APC: variants seen among roughly 807,000 people sequenced by gnomAD.
APC encodes the protein adenomatous polyposis coli protein.
In APC, 72 loss-of-function variants were observed where a neutral mutation model predicts 247.0. The ratio of observed to expected loss-of-function variants is 0.29; its 90% confidence interval spans 0.24 to 0.35. The LOEUF is 0.35. APC is among the 10% of genes least tolerant of loss of function. The pLI, the probability that APC is intolerant of heterozygous loss-of-function variation, is 1.00. For synonymous variants in APC, 1,254 were observed against 1,162.5 expected, an observed-to-expected ratio of 1.08 and a Z score of -1.60; for missense variants, 3,400 against 3,360.7, an observed-to-expected ratio of 1.01 and a Z score of -0.29.
intron 1 of APC, among the ~76,000 whole-genome samples, chr5:112,741,326 A>G (rs890263789): frequency 6.6e-6 from 1 of 152,230 alleles, no homozygotes; most frequent in African/African-American, 2.4e-5. Context: ...GCTTTTTCAT[A>G]AAATCTGCTT....
At chr5:112,820,189 A>G (rs1006182713) in intron 10 of APC, among the ~76,000 whole-genome samples, 7 of 134,588 alleles carry the variant, frequency 5.2e-5, no homozygotes, top group Non-Finnish European at 9.2e-5. Context: ...ACTGACACAC[A>G]CACACACACA....
chr5:112,765,871 G>C (rs1410175451), intron 2 of APC, among the ~76,000 whole-genome samples: 1 of 152,128 alleles, frequency 6.6e-6, no homozygotes, highest in Non-Finnish European at 1.5e-5. Context: ...CTTAAATGTG[G>C]TATATAAAAG....
rs1561575161 is a variant in APC at position 112,837,736 on chromosome 5, G to A, written c.2142G>A (p.Lys714=). The change falls in exon 16 of 16, where the codon AAG becomes AAA. Residue 714 remains lysine (K), a synonymous_variant. Coordinates refer to ENST00000257430, the MANE Select transcript of APC (RefSeq NM_000038.6). ...TGCTCAAGAACCTCATTCATTCAAA[G>A]CACAAAATGATTGCTATGGGAAGTG... ...VSMLKNLIHS[K]HKMIAMGSAA... is the part of the protein sequence containing the mutation. 6.2e-7 allele frequency: 1 copy of A among 1,614,150 alleles called. No individual in the cohort carries two copies. The highest frequency in any genetic ancestry group is 8.5e-7 in the Non-Finnish European group (1 of 1,180,040).
chr5:112,843,239 C>T lies in APC; in HGVS notation c.7645C>T (p.Arg2549Cys), dbSNP rs199539353. 135 of 1,613,772 alleles carry T rather than the reference C, an allele frequency of 8.4e-5. 1 individual carries two copies. The South Asian group carries it at 1.3e-3, about 15-fold the overall frequency. ...AATCAATAGGTCAGGAACCTGGAAACGTGAGCACAGCAAACATTCATCATC... is the reference window on the plus strand; with the variant it reads ...AATCAATAGGTCAGGAACCTGGAAATGTGAGCACAGCAAACATTCATCATC... ...LPINRSGTWK[R>C]EHSKHSSSLP... The change falls in exon 16 of 16, where the codon CGT (arginine) becomes TGT (cysteine). Residue 2549 changes from arginine (R) to cysteine (C), a missense_variant. By Grantham distance (180) the Arg-to-Cys change is radical. Around this residue, in one of 9 missense-constraint regions of APC, gnomAD observed 1,788 missense variants for 1,649.5 expected, o/e 1.08. Transcript: ENST00000257430. The surrounding 1 kb of genome is among the most constrained non-coding windows in gnomAD (Gnocchi z 4.8).
chr5:112,829,046 T>C (rs1764038472), intron 14 of APC, 74 bp downstream of exon 14: 1 of 1,016,488 alleles, frequency 9.8e-7, no homozygotes, highest in Non-Finnish European at 1.6e-6. Context: ...CTTTTAGCCA[T>C]GAGATTTCCT....
rs1580675660 is a variant in APC, at chr5:112,842,452, C to T, written c.6858C>T (p.Ala2286=). Reference sequence around the variant, plus strand: ...TGAAATCAGAATTAAGCCCTGTTGCCAGGCAGACATCCCAAATAGGTGGGT... The same window carrying T: ...TGAAATCAGAATTAAGCCCTGTTGCTAGGCAGACATCCCAAATAGGTGGGT... The part of the protein sequence containing the change: ...PSVKSELSPV[A]RQTSQIGGSS... The change falls in exon 16 of 16, where the codon GCC becomes GCT. Residue 2286 remains alanine (A), a synonymous_variant. Coordinates refer to ENST00000257430, the MANE Select transcript of APC (RefSeq NM_000038.6). 1 of 1,613,996 alleles carries T rather than the reference C, an allele frequency of 6.2e-7. No individual in the cohort carries two copies. Among genetic ancestry groups the T allele is most frequent in the Non-Finnish European group, 8.5e-7 (1 of 1,179,910 alleles).
chr5:112,833,036 TTTTTTGC>T (rs1314456384), intron 14 of APC, among the ~76,000 whole-genome samples: 44 of 151,878 alleles, frequency 2.9e-4, no homozygotes, highest in African/African-American at 6.0e-4. Flanking sequence ...TGGGTTTTTT[TTTTTTGC>T]TTTTGCTTTT....
chr5:112,770,132 G>T (rs1056827800), intron 4 of APC, among the ~76,000 whole-genome samples: 8 of 152,110 alleles, frequency 5.3e-5, no homozygotes, highest in African/African-American at 1.9e-4. Flanking sequence ...ATTAATTTTT[G>T]AAATAAGTTT....
At chr5:112,768,711 T>A (rs1756657146) in intron 4 of APC, among the ~76,000 whole-genome samples, 1 of 152,146 alleles carries the variant, frequency 6.6e-6, no homozygotes, top group Non-Finnish European at 1.5e-5. Flanking sequence ...ACTGTGCTCA[T>A]CCTATGGTAG....
chr5:112,736,575 A>T (rs17358645), upstream of APC, among the ~76,000 whole-genome samples: 1 of 152,128 alleles, frequency 6.6e-6, no homozygotes, highest in Non-Finnish European at 1.5e-5. Flanking sequence ...GCTTCTTTTC[A>T]TACTATTTGA....
At chr5:112,834,218 C>T (rs926654819) in intron 14 of APC, among the ~76,000 whole-genome samples, 10 of 149,512 alleles carry the variant, frequency 6.7e-5, no homozygotes, top group Non-Finnish European at 8.9e-5. Context: ...GGATTACAGG[C>T]ATGAGCCACC....
chr5:112,788,903 C>T (rs996700596), intron 6 of APC, among the ~76,000 whole-genome samples: 25 of 152,076 alleles, frequency 1.6e-4, no homozygotes, highest in Admixed American at 5.9e-4. Context: ...GTCCTTACAG[C>T]GTTTTTTCTT....
intron 2 of APC, among the ~76,000 whole-genome samples, chr5:112,761,356 A>T (rs1417865392): frequency 6.6e-6 from 1 of 152,220 alleles, no homozygotes; most frequent in Non-Finnish European, 1.5e-5. Context: ...GTAGTCAAGG[A>T]TTTTAACATA....
At chr5:112,737,495 CTG>C (rs1469326988), upstream of APC, among the ~76,000 whole-genome samples, 3 of 152,214 alleles carry the variant, frequency 2.0e-5, no homozygotes, top group African/African-American at 7.2e-5. Context: ...TATTGTTTCT[CTG>C]TGCTGCAAAA....
intron 1 of APC, among the ~76,000 whole-genome samples, chr5:112,722,617 T>C (rs1751546458): frequency 6.6e-6 from 1 of 151,426 alleles, no homozygotes; most frequent in South Asian, 2.1e-4. Flanking sequence ...TCAAGTTGGG[T>C]TTCCCACTAC....
chr5:112,750,331 A>T (rs1754200719), intron 1 of APC, among the ~76,000 whole-genome samples: 1 of 152,060 alleles, frequency 6.6e-6, no homozygotes, highest in South Asian at 2.1e-4. Context: ...CAGACACCAT[A>T]CCTTGATTCT....
rs754354718 is a variant in APC at position 112,766,429 on chromosome 5, T to A, written c.220+19T>A. 1 of 1,562,262 alleles carries A rather than the reference T, an allele frequency of 6.4e-7. No individual in the cohort carries two copies. Among genetic ancestry groups the A allele is most frequent in the African/African-American group, 1.4e-5 (1 of 73,880 alleles). Reference sequence around the variant, plus strand: ...CTTAAAGGTAGATTTTAAAAAGGTGTTTTAAAATAATTTTTTAAGCTCAAA... The same window carrying A: ...CTTAAAGGTAGATTTTAAAAAGGTGATTTAAAATAATTTTTTAAGCTCAAA... On this transcript the variant is annotated intron_variant, in intron 3 of 15. Coordinates refer to ENST00000257430, the MANE Select transcript of APC (RefSeq NM_000038.6).
chr5:112,710,174 T>A (rs1750769568), intron 1 of APC, among the ~76,000 whole-genome samples: 1 of 152,172 alleles, frequency 6.6e-6, no homozygotes, highest in Admixed American at 6.5e-5. Context: ...CTTTACCAGT[T>A]TGACCCCTGA....
chr5:112,719,918 A>AT (rs1170411912), intron 1 of APC, among the ~76,000 whole-genome samples: 11 of 151,986 alleles, frequency 7.2e-5, no homozygotes, highest in East Asian at 3.8e-4. Context: ...TTTAATTTAA[A>AT]TTTTTTTTAC....
Sources: gnomAD v4.1 joint callset for allele counts (sites outside exome capture counted in the v4.1 genomes callset) on GRCh38, gnomAD v4.1.1 for gene constraint, gnomAD v4.1.1 regional missense constraint, Gnocchi (gnomAD v3.1) non-coding constraint, MANE v1.5 for transcripts, NCBI Gene and HGNC (gene_info 2026-07-23, HGNC 2026-07-21) for gene names.